HEPHL1: variants seen among roughly 807,000 people sequenced by gnomAD.
HEPHL1 encodes the protein hephaestin like 1.
HEPHL1 carries 123 observed loss-of-function variants against 122.0 expected under a neutral mutation model. The ratio of observed to expected loss-of-function variants is 1.01; its 90% confidence interval spans 0.87 to 1.17. The LOEUF (loss-of-function observed/expected upper bound fraction) is 1.17. HEPHL1 is among the 50% of genes most tolerant of loss of function. HEPHL1 has a pLI of 0.00. For synonymous variants in HEPHL1, 527 were observed against 508.9 expected (o/e 1.04, Z -0.48); for missense variants, 1,452 against 1,430.5 (o/e 1.01, Z -0.24).
intron 2 of HEPHL1, among the ~76,000 whole-genome samples, chr11:94,054,030 C>A (rs1021182680): frequency 5.9e-5 from 9 of 152,132 alleles, no homozygotes; most frequent in African/African-American, 2.2e-4. Context: ...GGTGTTCTAT[C>A]AGTTATTGAG....
At chr11:94,034,432 A>G (rs1254477732) in intron 1 of HEPHL1, among the ~76,000 whole-genome samples, 1 of 152,232 alleles carries the variant, frequency 6.6e-6, no homozygotes, top group Non-Finnish European at 1.5e-5. Context: ...GTCACTGTAT[A>G]CTAATGTGAT....
rs143861250 is a variant in HEPHL1, at chr11:94,045,743, C to T, written c.241C>T (p.Arg81Cys). ...TATTTACAAAAAGGCTGTTTACAGA[C>T]GCTTCACGGATGGAACCTACTCCAT... ...GSIYKKAVYR[R>C]FTDGTYSIEI... is the part of the protein sequence containing the mutation. Residue 81 changes from arginine (R) to cysteine (C), a missense_variant, in exon 2 of 20, where the codon CGC becomes TGC. Physicochemically the swap from Arg to Cys is radical, Grantham distance 180. Transcript: ENST00000315765. The T allele has an allele frequency of 4.7e-4, 758 of 1,613,644 alleles. 4 individuals are homozygous for T. In the African/African-American group the frequency reaches 6.4e-3, roughly 14 times the overall value.
intron 1 of HEPHL1, among the ~76,000 whole-genome samples, chr11:94,028,665 T>C (rs889668389): frequency 6.6e-6 from 1 of 152,202 alleles, no homozygotes; most frequent in African/African-American, 2.4e-5. Flanking sequence ...AGAATGCAGA[T>C]TGAAAATGTT....
At chr11:94,094,347 C>T (rs1295682758) in intron 13 of HEPHL1, among the ~76,000 whole-genome samples, 1 of 152,048 alleles carries the variant, frequency 6.6e-6, no homozygotes, top group Non-Finnish European at 1.5e-5. Context: ...TTTATGGCTG[C>T]ATAGTATTCC....
At chr11:94,067,944 G>A (rs2134430340) in intron 5 of HEPHL1, among the ~76,000 whole-genome samples, 194 bp downstream of exon 5, 1 of 152,252 alleles carries the variant, frequency 6.6e-6, no homozygotes, top group Non-Finnish European at 1.5e-5. Context: ...GACCACTTCT[G>A]TATGAAAAAA....
chr11:94,067,178 G>A (rs1228097780), intron 4 of HEPHL1, among the ~76,000 whole-genome samples: 1 of 152,154 alleles, frequency 6.6e-6, no homozygotes, highest in African/African-American at 2.4e-5. Context: ...GAAGGTGACT[G>A]AGCCTCCTGT....
chr11:94,047,843 TC>T (rs1174786462), intron 2 of HEPHL1, among the ~76,000 whole-genome samples: 1 of 152,176 alleles, frequency 6.6e-6, no homozygotes, highest in Non-Finnish European at 1.5e-5. Flanking sequence ...GGCTACAAAT[TC>T]TTTTTTCAAA....
At chr11:94,043,873 G>C (rs772450303) in intron 1 of HEPHL1, among the ~76,000 whole-genome samples, 1 of 151,928 alleles carries the variant, frequency 6.6e-6, no homozygotes, top group Non-Finnish European at 1.5e-5. Context: ...CAAGGCAGGG[G>C]CTTTGTCTTT....
chr11:94,078,841 T>G (rs556609558), intron 9 of HEPHL1, among the ~76,000 whole-genome samples: 53 of 152,244 alleles, frequency 3.5e-4, no homozygotes, highest in Admixed American at 2.3e-3. Context: ...ATTCAATTGT[T>G]AATCTCATCC....
At chr11:94,023,706 G>T (rs1253104541) in intron 1 of HEPHL1, among the ~76,000 whole-genome samples, 5 of 152,144 alleles carry the variant, frequency 3.3e-5, no homozygotes, top group Non-Finnish European at 4.4e-5. Context: ...GAACGCCAAG[G>T]TCCCCAAACA....
chr11:94,064,553 T>A (rs750865584), intron 4 of HEPHL1, 43 bp downstream of exon 4: 88 of 1,288,316 alleles, frequency 6.8e-5, no homozygotes, highest in Admixed American at 2.4e-4. Flanking sequence ...AGGCCTTTTA[T>A]ACTATAAGGT....
chr11:94,052,438 G>A (rs767485400), intron 2 of HEPHL1, among the ~76,000 whole-genome samples: 15 of 151,624 alleles, frequency 9.9e-5, no homozygotes, highest in South Asian at 4.1e-4. Flanking sequence ...TTGGCATATC[G>A]AAATGCTACT....
chr11:94,073,133 C>G lies in HEPHL1; in HGVS notation c.1341C>G (p.Leu447=), dbSNP rs372782660. ...CAACTTTTACTAAAAGAAAGAGACTCTCTGCTGAAGAAGCCCATCTTGGAA... is the reference window on the plus strand; with the variant it reads ...CAACTTTTACTAAAAGAAAGAGACTGTCTGCTGAAGAAGCCCATCTTGGAA... The part of the protein sequence containing the change: ...VDATFTKRKR[L]SAEEAHLGIL... Residue 447 remains leucine, a synonymous_variant, in exon 7 of 20, where the codon CTC becomes CTG. Coordinates refer to ENST00000315765, the MANE Select transcript of HEPHL1 (RefSeq NM_001098672.2). 27 of 1,613,070 alleles carry G rather than the reference C, an allele frequency of 1.7e-5. No homozygotes were observed. In the African/African-American group the frequency reaches 2.8e-4, roughly 17 times the overall value.
rs535679875 is a variant in HEPHL1 at position 94,067,480 on chromosome 11, G to A, written c.809-16G>A. On this transcript the variant is annotated splice_polypyrimidine_tract_variant and intron_variant, in intron 4 of 19. Transcript: ENST00000315765. ...CTGCAGGGGAGTCTCTTCCACTAGCGTGTTTCTGTTTCCAGCCCTCAATGG... is the reference window on the plus strand; with the variant it reads ...CTGCAGGGGAGTCTCTTCCACTAGCATGTTTCTGTTTCCAGCCCTCAATGG... 1.7e-5 allele frequency: 28 copies of A among 1,610,526 alleles called. No individual in the cohort carries two copies. The highest frequency in any genetic ancestry group is 1.5e-4 in the Admixed American group (9 of 59,948).
chr11:94,045,513 T>G (rs1945825944), intron 1 of HEPHL1, among the ~76,000 whole-genome samples, 160 bp from the exon 2 acceptor site: 1 of 152,208 alleles, frequency 6.6e-6, no homozygotes, highest in South Asian at 2.1e-4. Flanking sequence ...ATTTCCACAT[T>G]AGTAAATTGA....
intron 4 of HEPHL1, among the ~76,000 whole-genome samples, chr11:94,067,197 G>A (rs1345474344): frequency 6.6e-6 from 1 of 152,152 alleles, no homozygotes; most frequent in Non-Finnish European, 1.5e-5. Context: ...GTAAATATGA[G>A]CAGCACTCTG....
intron 10 of HEPHL1, among the ~76,000 whole-genome samples, chr11:94,083,848 A>C (rs2134440374): frequency 6.6e-6 from 1 of 152,290 alleles, no homozygotes; most frequent in African/African-American, 2.4e-5. Context: ...GACAATATAA[A>C]GGGGAAATTA....
At chr11:94,053,674 AATATT>A (rs1945910586) in intron 2 of HEPHL1, among the ~76,000 whole-genome samples, 1 of 152,078 alleles carries the variant, frequency 6.6e-6, no homozygotes, top group Non-Finnish European at 1.5e-5. Context: ...TTCAGTTCAA[AATATT>A]TTACAATTTC....
At chr11:94,077,039 T>C (rs1049039925) in intron 9 of HEPHL1, among the ~76,000 whole-genome samples, 1 of 152,218 alleles carries the variant, frequency 6.6e-6, no homozygotes, top group African/African-American at 2.4e-5. Context: ...TTCACCCAGA[T>C]TCATCAACAT....
Sources: allele counts gnomAD v4.1 joint callset (sites outside exome capture counted in the v4.1 genomes callset), GRCh38; gene constraint gnomAD v4.1.1; transcripts MANE v1.5; gene names NCBI Gene and HGNC (gene_info 2026-07-23, HGNC 2026-07-21).